The following PCDHGA9 variants were observed in gnomAD, a reference collection of about 807,000 sequenced individuals.
PCDHGA9 encodes protocadherin gamma-A9.
PCDHGA9 carries 37 observed loss-of-function variants against 62.5 expected under a neutral mutation model. That is an observed-to-expected ratio of 0.59 (90% CI 0.46 to 0.78). PCDHGA9 has a LOEUF of 0.78. Among genes scored for constraint, PCDHGA9 ranks in the 30% least tolerant of loss-of-function variants. The pLI is 0.00. For synonymous variants in PCDHGA9, 459 were observed against 484.6 expected (o/e 0.95, Z 0.69); for missense variants, 1,138 against 1,166.2 (o/e 0.98, Z 0.35).
intron 1 of PCDHGA9, chr5:141,415,641 T>TAA (rs113784532): frequency 8.4e-5 from 108 of 1,280,644 alleles, no homozygotes; most frequent in African/African-American, 8.0e-4. Flanking sequence ...TTACTTTTGT[T>TAA]AAAAAAAAAA....
intron 3 of PCDHGA9, chr5:141,508,010 CAAG>C (rs2099865550): frequency 6.6e-6 from 1 of 152,308 alleles, no homozygotes; most frequent in Non-Finnish European, 1.5e-5. Context: ...GGGATGCTCT[CAAG>C]GAGGCTGCGG....
chr5:141,425,943 C>T (rs2096904576), intron 1 of PCDHGA9, among the ~76,000 whole-genome samples: 1 of 152,220 alleles, frequency 6.6e-6, no homozygotes, highest in African/African-American at 2.4e-5. Flanking sequence ...TGTCTAGTTT[C>T]CTATACATTA....
Position 141,421,742 on chromosome 5 carries a change from A to G in PCDHGA9, c.2424+16366A>G, listed in dbSNP as rs772984365. The stretch of plus-strand genomic sequence containing the variant: ...GGCGTGAACTCCCTCCAGAGCTACC[A>G]GCTCAGCCCTAATAATTACTTTTCC... On this transcript the variant is annotated intron_variant, in intron 1 of 3. Transcript: ENST00000573521. The G allele has an allele frequency of 4.3e-6, 7 of 1,613,826 alleles. No individual in the cohort carries two copies. The East Asian group carries it at 1.3e-4, about 31-fold the overall frequency.
intron 1 of PCDHGA9, among the ~76,000 whole-genome samples, chr5:141,463,239 C>G (rs1012919667): frequency 1.3e-5 from 2 of 151,950 alleles, no homozygotes; most frequent in African/African-American, 4.8e-5. Context: ...CTTTGTGTAG[C>G]TCCATTCTCT....
rs754329108 is a variant in PCDHGA9 at position 141,408,309 on chromosome 5, C to T, written c.2424+2933C>T. 1.8e-5 allele frequency: 29 copies of T among 1,613,698 alleles called. No individual in the cohort carries two copies. The highest frequency in any genetic ancestry group is 2.0e-5 in the Non-Finnish European group (24 of 1,179,730). On this transcript the variant is annotated intron_variant, in intron 1 of 3. Transcript: ENST00000573521. ...ACCCTGAGTGAGCCGATCCGCTACT[C>T]GATTCCGGAGGAGCTGGCCAAGGGC...
At chr5:141,418,829 C>T in intron 1 of PCDHGA9, 1 of 1,613,856 alleles carries the variant, frequency 6.2e-7, no homozygotes, top group Non-Finnish European at 8.5e-7. Flanking sequence ...AGCAAAAGAC[C>T]GAGGATCTCT....
chr5:141,427,694 A>T (rs758628764), intron 1 of PCDHGA9: 2 of 913,932 alleles, frequency 2.2e-6, no homozygotes, highest in Non-Finnish European at 3.5e-6. Context: ...CCTCCATCCC[A>T]CAAGTCAGCG....
chr5:141,413,197 T>C (rs1429088178), intron 1 of PCDHGA9: 1 of 1,611,552 alleles, frequency 6.2e-7, no homozygotes, highest in Non-Finnish European at 8.5e-7. Flanking sequence ...AAGGAATCGC[T>C]CAAAGGAATC....
Position 141,415,335 on chromosome 5 carries a change from G to T in PCDHGA9, c.2424+9959G>T, listed in dbSNP as rs779617513. On this transcript the variant is annotated intron_variant, in intron 1 of 3. Coordinates refer to ENST00000573521, the MANE Select transcript of PCDHGA9 (RefSeq NM_018921.3). ...TCATCGTGCTGCTGGCGCACAGGCT[G>T]CGGCGCTGGCACAAGTCACGCCTGC... The T allele has an allele frequency of 4.3e-6, 7 of 1,614,110 alleles. No homozygotes were observed. The Admixed American group carries it at 1.2e-4, about 27-fold the overall frequency.
At position 141,489,090 on chromosome 5, in the gene PCDHGA9, C is replaced by A; in HGVS notation, c.2425-5717C>A. On this transcript the variant is annotated intron_variant, in intron 1 of 3. Transcript: ENST00000573521. The surrounding 1 kb of genome is among the most constrained non-coding windows in gnomAD (Gnocchi z 4.5). Reference sequence around the variant, plus strand: ...CCTGCCCACCCCCGCCACTCGGTGACTAAGAACTGCTGCAAGCAGGCAAAC... The same window carrying A: ...CCTGCCCACCCCCGCCACTCGGTGAATAAGAACTGCTGCAAGCAGGCAAAC... The A allele has an allele frequency of 1.5e-5, 5 of 328,802 alleles. No individual in the cohort carries two copies. The highest frequency in any genetic ancestry group is 4.8e-5 in the East Asian group (1 of 20,928). 20.4% of individuals were successfully genotyped at this position (328,802 alleles called of 1,614,324 possible).
In PCDHGA9 at chr5:141,402,881, G is replaced by T; in HGVS notation, c.-72G>T. The T allele has an allele frequency of 6.8e-7, 1 of 1,477,920 alleles. No individual in the cohort carries two copies. The allele number at this position is 1,477,920 out of a possible 1,614,324, so 91.6% of individuals were successfully genotyped here. A position where few individuals can be genotyped will look rare whatever the true frequency, so the allele number is the denominator to read the frequency against. ...AAGGAAAAGATCACCATACTTTGCAGGGTGGAAGAAAGAACCTGATGAAGC... is the reference window on the plus strand; with the variant it reads ...AAGGAAAAGATCACCATACTTTGCATGGTGGAAGAAAGAACCTGATGAAGC... On this transcript the variant is annotated 5_prime_UTR_variant, in exon 1 of 4. It adds an upstream start codon to the 5' untranslated region. Coordinates refer to ENST00000573521, the MANE Select transcript of PCDHGA9 (RefSeq NM_018921.3).
At position 141,477,879 on chromosome 5, in the gene PCDHGA9, A is replaced by T. The variant is rs932363258; in HGVS notation, c.2425-16928A>T. The T allele has an allele frequency of 3.4e-5, 55 of 1,614,060 alleles. No homozygotes were observed. The highest frequency in any genetic ancestry group is 4.6e-5 in the Non-Finnish European group (54 of 1,180,034). ...CTGCCTCGAGGTACCTCAGCTGGCCACCTAGTGTCACGGGTGGTAGGCTGG... is the reference window on the plus strand; with the variant it reads ...CTGCCTCGAGGTACCTCAGCTGGCCTCCTAGTGTCACGGGTGGTAGGCTGG... On this transcript the variant is annotated intron_variant, in intron 1 of 3. Coordinates refer to ENST00000573521, the MANE Select transcript of PCDHGA9 (RefSeq NM_018921.3). This position sits in a 1 kb window ranked among gnomAD's most constrained non-coding sequence, Gnocchi z 4.9.
At chr5:141,418,806 C>A in intron 1 of PCDHGA9, 1 of 1,613,696 alleles carries the variant, frequency 6.2e-7, no homozygotes, top group Non-Finnish European at 8.5e-7. Context: ...GAAAGATATA[C>A]GATAAACATA....
chr5:141,428,227 A>T (rs2154552643), intron 1 of PCDHGA9: 1 of 1,100,784 alleles, frequency 9.1e-7, no homozygotes, highest in Admixed American at 1.9e-5. Context: ...CTTCGCAGAC[A>T]GCCTGCAGGA....
In PCDHGA9 at chr5:141,486,049, C is replaced by T. The variant is rs766853468; in HGVS notation, c.2425-8758C>T. 1 of 1,614,206 alleles carries T rather than the reference C, an allele frequency of 6.2e-7. No homozygotes were observed. The highest frequency in any genetic ancestry group is 8.5e-7 in the Non-Finnish European group (1 of 1,180,034). ...ATACCCCTGATCGTGTAAGAAACCT[C>T]TTTAGCCTGCACCCCACTACTGGAA... On this transcript the variant is annotated intron_variant, in intron 1 of 3. Transcript: ENST00000573521. The surrounding 1 kb of genome is among the most constrained non-coding windows in gnomAD (Gnocchi z 5.0).
At position 141,477,131 on chromosome 5, in the gene PCDHGA9, TTGG is replaced by T; in HGVS notation, c.2425-17672_2425-17670del. 1 of 1,614,130 alleles carries T rather than the reference TTGG, an allele frequency of 6.2e-7. No individual in the cohort carries two copies. The highest frequency in any genetic ancestry group is 8.5e-7 in the Non-Finnish European group (1 of 1,180,014). On this transcript the variant is annotated intron_variant, in intron 1 of 3. Transcript: ENST00000573521. The surrounding 1 kb of genome is among the most constrained non-coding windows in gnomAD (Gnocchi z 4.9). The stretch of plus-strand genomic sequence containing the variant: ...TCCCGAAGGAGCACATTGCAAAGTG[TTGG>T]TGGAGGTTGTGGATGTGAATGACAA...
intron 1 of PCDHGA9, chr5:141,418,096 G>A (rs772001018): frequency 6.2e-7 from 1 of 1,614,078 alleles, no homozygotes; most frequent in East Asian, 2.2e-5. Context: ...GCGTAGACGC[G>A]CAGAGCGGGG....
chr5:141,432,686 G>A lies in PCDHGA9; in HGVS notation c.2424+27310G>A. On this transcript the variant is annotated intron_variant, in intron 1 of 3. Transcript: ENST00000573521. The surrounding 1 kb of genome is among the most constrained non-coding windows in gnomAD (Gnocchi z 6.0). The stretch of plus-strand genomic sequence containing the variant: ...CAGAGACGCGCTCAAGCAGAGCCTC[G>A]TAGTGGCCGTCCAGGACCACGGCCA... 2 of 1,613,922 alleles carry A rather than the reference G, an allele frequency of 1.2e-6. No homozygotes were observed. The highest frequency in any genetic ancestry group is 1.7e-5 in the Admixed American group (1 of 60,020).
At chr5:141,433,381 A>ATCTG (rs1561869478) in intron 1 of PCDHGA9, among the ~76,000 whole-genome samples, 2 of 151,148 alleles carry the variant, frequency 1.3e-5, no homozygotes, top group Non-Finnish European at 2.9e-5. Flanking sequence ...CTATCTATCT[A>ATCTG]TCTATCTATC....
Sources: allele counts gnomAD v4.1 joint callset (sites outside exome capture counted in the v4.1 genomes callset), GRCh38; gene constraint gnomAD v4.1.1; non-coding constraint Gnocchi (gnomAD v3.1); transcripts MANE v1.5; gene names NCBI Gene and HGNC (gene_info 2026-07-23, HGNC 2026-07-21).